CSMD1: variants seen among roughly 807,000 people sequenced by gnomAD.
CSMD1 encodes the protein CUB and sushi domain-containing protein 1.
Under a neutral mutation model 417.5 loss-of-function variants are expected in CSMD1, and 213 were observed. The ratio of observed to expected loss-of-function variants is 0.51; its 90% confidence interval spans 0.46 to 0.57. CSMD1 has a LOEUF of 0.57. CSMD1 is among the 20% of genes least tolerant of loss of function. CSMD1 has a pLI of 0.00. For missense variants in CSMD1, 6,923 were observed against 4,529.7 expected, an observed-to-expected ratio of 1.53 and a Z score of -15.17; for synonymous variants, 2,862 against 1,736.8, an observed-to-expected ratio of 1.65 and a Z score of -16.11.
At chr8:3,852,602 G>C (rs1489234118) in intron 5 of CSMD1, among the ~76,000 whole-genome samples, 1 of 152,120 alleles carries the variant, frequency 6.6e-6, no homozygotes, top group Non-Finnish European at 1.5e-5. Context: ...AGCTATCTCA[G>C]CATTCACAAA....
intron 54 of CSMD1, among the ~76,000 whole-genome samples, 186 bp from the exon 55 acceptor site, chr8:2,978,986 T>G (rs1805176235): frequency 6.6e-6 from 1 of 152,148 alleles, no homozygotes; most frequent in African/African-American, 2.4e-5. Flanking sequence ...TTTCAAGAGG[T>G]GTCAAGAACT....
At chr8:3,119,886 A>T (rs1817096415) in intron 41 of CSMD1, among the ~76,000 whole-genome samples, 1 of 152,336 alleles carries the variant, frequency 6.6e-6, no homozygotes, top group South Asian at 2.1e-4. Context: ...TCAAAATAGC[A>T]TGAGGTCACC....
At chr8:4,172,060 A>C (rs1254171954) in intron 3 of CSMD1, among the ~76,000 whole-genome samples, 1 of 152,190 alleles carries the variant, frequency 6.6e-6, no homozygotes, top group Admixed American at 6.5e-5. Flanking sequence ...CGATGCTTAA[A>C]GTATCTCTTT....
chr8:4,451,430 A>T (rs1447004083), intron 2 of CSMD1, among the ~76,000 whole-genome samples: 1 of 152,186 alleles, frequency 6.6e-6, no homozygotes, highest in Non-Finnish European at 1.5e-5. Flanking sequence ...ACACTGAAAA[A>T]GTGGTCAGAA....
At chr8:3,068,558 G>C (rs951676707) in intron 49 of CSMD1, among the ~76,000 whole-genome samples, 5 of 151,838 alleles carry the variant, frequency 3.3e-5, no homozygotes, top group Admixed American at 6.6e-5. Flanking sequence ...AAGACATTTA[G>C]TTGGCTCATG....
At chr8:4,322,432 A>G (rs942342604) in intron 3 of CSMD1, among the ~76,000 whole-genome samples, 6 of 152,192 alleles carry the variant, frequency 3.9e-5, no homozygotes, top group African/African-American at 1.4e-4. Context: ...ATGGCAGAAT[A>G]TTCTATCATA....
At chr8:3,494,913 C>G (rs920368102) in intron 10 of CSMD1, among the ~76,000 whole-genome samples, 1 of 152,156 alleles carries the variant, frequency 6.6e-6, no homozygotes, top group Non-Finnish European at 1.5e-5. Context: ...ATAGAGAAGA[C>G]AGACTTCCCA....
intron 54 of CSMD1, among the ~76,000 whole-genome samples, chr8:2,994,771 G>C (rs1299874355): frequency 1.3e-5 from 2 of 151,476 alleles, no homozygotes; most frequent in Non-Finnish European, 2.9e-5. Context: ...TTTTTATTTT[G>C]GGTTAGAAAC....
At position 3,596,549 on chromosome 8, in the gene CSMD1, T is replaced by G. The variant is rs1345993378; in HGVS notation, c.1098-10289A>C. Among the ~76,000 whole-genome samples the G allele has an allele frequency of 2.6e-5, 4 of 152,226 alleles. No homozygotes were observed. The East Asian group carries it at 5.8e-4, about 22-fold the overall frequency. Reference sequence around the variant, plus strand: ...GGAACTTATCACTTAAATCCGTGGTTGATCAGTAAACAATCCTAAATACAC... The same window carrying G: ...GGAACTTATCACTTAAATCCGTGGTGGATCAGTAAACAATCCTAAATACAC... On this transcript the variant is annotated intron_variant, in intron 8 of 69. Transcript: ENST00000635120.
intron 11 of CSMD1, among the ~76,000 whole-genome samples, chr8:3,493,293 C>T (rs1032880859): frequency 6.6e-5 from 6 of 90,532 alleles, no homozygotes; most frequent in Admixed American, 2.3e-4. Flanking sequence ...GAACCTGTCT[C>T]AAAAAAAAAA....
intron 3 of CSMD1, among the ~76,000 whole-genome samples, chr8:4,357,500 C>T (rs1801497579): frequency 6.6e-6 from 1 of 152,128 alleles, no homozygotes; most frequent in African/African-American, 2.4e-5. Context: ...TTACTTTATC[C>T]ACAGTTCCTC....
At chr8:3,724,969 C>T (rs1391995109) in intron 6 of CSMD1, among the ~76,000 whole-genome samples, 1 of 152,190 alleles carries the variant, frequency 6.6e-6, no homozygotes, top group Non-Finnish European at 1.5e-5. Flanking sequence ...TATTTCAACG[C>T]AACTAGCTTT....
At chr8:4,964,994 T>G (rs969968454) in intron 1 of CSMD1, among the ~76,000 whole-genome samples, 4 of 152,192 alleles carry the variant, frequency 2.6e-5, no homozygotes, top group Non-Finnish European at 5.9e-5. Flanking sequence ...GGGTCACTTC[T>G]TCACTTCAAA....
At chr8:4,707,205 T>C (rs1007665250) in intron 1 of CSMD1, among the ~76,000 whole-genome samples, 1 of 152,202 alleles carries the variant, frequency 6.6e-6, no homozygotes, top group Non-Finnish European at 1.5e-5. Context: ...CTAGACACTG[T>C]TGTTAAAGGC....
chr8:3,902,745 G>C (rs1410350995), intron 5 of CSMD1, among the ~76,000 whole-genome samples: 1 of 152,012 alleles, frequency 6.6e-6, no homozygotes, highest in Non-Finnish European at 1.5e-5. Context: ...CCCCTGCTGA[G>C]GTACACATTT....
intron 1 of CSMD1, among the ~76,000 whole-genome samples, chr8:4,896,453 G>A (rs1804488667): frequency 6.6e-6 from 1 of 152,030 alleles, no homozygotes; most frequent in Non-Finnish European, 1.5e-5. Context: ...CATCTACCAG[G>A]AAAATGTTGA....
chr8:4,211,671 G>C (rs548489559), intron 3 of CSMD1, among the ~76,000 whole-genome samples: 1 of 152,292 alleles, frequency 6.6e-6, no homozygotes, highest in African/African-American at 2.4e-5. Flanking sequence ...AGTATCCTTA[G>C]CTGAAATGCA....
At chr8:3,404,631 G>A (rs1812237891) in intron 15 of CSMD1, among the ~76,000 whole-genome samples, 1 of 152,120 alleles carries the variant, frequency 6.6e-6, no homozygotes, top group African/African-American at 2.4e-5. Context: ...ATAAATACAT[G>A]TTGACTAAAG....
At chr8:4,819,605 T>G (rs1799405340) in intron 1 of CSMD1, among the ~76,000 whole-genome samples, 1 of 152,202 alleles carries the variant, frequency 6.6e-6, no homozygotes, top group Non-Finnish European at 1.5e-5. Context: ...TTTCAAATTT[T>G]CTCCTTTTAA....
Sources: gnomAD v4.1 joint callset for allele counts (sites outside exome capture counted in the v4.1 genomes callset) on GRCh38, gnomAD v4.1.1 for gene constraint, MANE v1.5 for transcripts, NCBI Gene and HGNC (gene_info 2026-07-23, HGNC 2026-07-21) for gene names.